DNAH14: variants seen among roughly 807,000 people sequenced by gnomAD.
The protein encoded by DNAH14 is dynein axonemal heavy chain 14.
A neutral mutation model predicts 520.9 loss-of-function variants in DNAH14; 478 were observed. The ratio of observed to expected loss-of-function variants is 0.92; its 90% CI spans 0.85 to 0.99. The LOEUF (loss-of-function observed/expected upper bound fraction) is 0.99. DNAH14 is among the 50% of genes least tolerant of loss of function. DNAH14 has a pLI of 0.00. For missense variants in DNAH14, 4,831 were observed against 5,234.5 expected, an observed-to-expected ratio of 0.92 and a Z score of 2.38; for synonymous variants, 1,581 against 1,757.2, an observed-to-expected ratio of 0.90 and a Z score of 2.51.
At chr1:225,323,251 G>A (rs1362195454) in intron 62 of DNAH14, among the ~76,000 whole-genome samples, 1 of 152,126 alleles carries the variant, frequency 6.6e-6, no homozygotes, top group African/African-American at 2.4e-5. Flanking sequence ...GAAGAGGATG[G>A]TATTCCTAGT....
At chr1:225,326,053 G>C (rs1467385800) in intron 64 of DNAH14, among the ~76,000 whole-genome samples, 3 of 152,184 alleles carry the variant, frequency 2.0e-5, no homozygotes, top group Admixed American at 6.5e-5. Context: ...GTAGCTTATA[G>C]TCTATAGAGT....
intron 77 of DNAH14, among the ~76,000 whole-genome samples, chr1:225,372,032 C>A (rs926539392): frequency 1.3e-5 from 2 of 152,088 alleles, no homozygotes; most frequent in African/African-American, 4.8e-5. Context: ...CACAGTACAC[C>A]TAAGAAACTT....
At chr1:225,091,482 A>C (rs1046665335) in intron 21 of DNAH14, among the ~76,000 whole-genome samples, 3 of 152,188 alleles carry the variant, frequency 2.0e-5, no homozygotes, top group African/African-American at 7.2e-5. Flanking sequence ...CAGCCAAATT[A>C]GATTTCATAA....
intron 54 of DNAH14, 70 bp from the exon 55 acceptor site, chr1:225,289,815 A>G: frequency 9.0e-7 from 1 of 1,109,464 alleles, no homozygotes; most frequent in Non-Finnish European, 1.2e-6. Flanking sequence ...ACAAATAATA[A>G]ACAGAAAACT....
rs1316271681 is a variant in DNAH14, at chr1:225,159,459, T to C, written c.5419T>C (p.Leu1807=). The C allele has an allele frequency of 2.0e-6, 3 of 1,535,924 alleles. No individual in the cohort carries two copies. Among genetic ancestry groups the C allele is most frequent in the South Asian group, 1.2e-5 (1 of 80,380 alleles). ...AGATATTTTTCCAGAAGTGACAGTT[T>C]TGAAAGTAAATCAACTTGCCTTGGA... ...IGDIFPEVTV[L]KVNQLALEKV... is the part of the protein sequence containing the mutation. Residue 1807 remains leucine, a synonymous_variant, in exon 35 of 86, where the codon TTG becomes CTG. Transcript: ENST00000682510.
intron 37 of DNAH14, 72 bp downstream of exon 37, chr1:225,185,497 C>T: frequency 3.6e-6 from 5 of 1,378,418 alleles, no homozygotes; most frequent in Non-Finnish European, 4.8e-6. Flanking sequence ...ATTTTATGTT[C>T]TCTTTATATT....
At chr1:224,941,068 G>T (rs1254078024) in intron 1 of DNAH14, among the ~76,000 whole-genome samples, 2 of 152,164 alleles carry the variant, frequency 1.3e-5, no homozygotes, top group Admixed American at 6.5e-5. Context: ...GGTATTTCTA[G>T]TTCTAGATCC....
chr1:225,131,308 G>C (rs929144153), intron 27 of DNAH14, among the ~76,000 whole-genome samples: 1 of 152,154 alleles, frequency 6.6e-6, no homozygotes, highest in South Asian at 2.1e-4. Context: ...GGTCTCTGTG[G>C]GCTAAGATCA....
At chr1:225,335,770 T>TATATGTATATACGCATATATACATAC (rs2094989232) in intron 66 of DNAH14, among the ~76,000 whole-genome samples, 1 of 123,246 alleles carries the variant, frequency 8.1e-6, no homozygotes, top group Non-Finnish European at 1.7e-5. Flanking sequence ...TACATGTGCA[T>TATATGTATATACGCATATATACATAC]ATGTGCATAT....
intron 41 of DNAH14, among the ~76,000 whole-genome samples, chr1:225,229,738 G>T (rs181324519): frequency 1.8e-4 from 27 of 151,966 alleles, no homozygotes; most frequent in African/African-American, 5.8e-4. Context: ...TGGGCACAAG[G>T]GGGGAACATC....
chr1:225,355,843 C>T (rs545024408), intron 73 of DNAH14, among the ~76,000 whole-genome samples: 1 of 152,194 alleles, frequency 6.6e-6, no homozygotes, highest in African/African-American at 2.4e-5. Context: ...CCATCCATTT[C>T]CAAAACTTTG....
intron 80 of DNAH14, 130 bp from the exon 81 acceptor site, chr1:225,381,253 A>T: frequency 2.2e-6 from 2 of 895,502 alleles, no homozygotes; most frequent in Non-Finnish European, 3.4e-6. Flanking sequence ...CTGACCTTCT[A>T]CAGAAAATGT....
intron 36 of DNAH14, among the ~76,000 whole-genome samples, chr1:225,173,645 C>T (rs2082965196): frequency 1.3e-5 from 2 of 152,168 alleles, no homozygotes; most frequent in African/African-American, 2.4e-5. Context: ...AATAGAAACA[C>T]TTTTACACTG....
At chr1:225,213,614 G>A (rs563832147) in intron 41 of DNAH14, among the ~76,000 whole-genome samples, 1 of 152,070 alleles carries the variant, frequency 6.6e-6, no homozygotes, top group Non-Finnish European at 1.5e-5. Flanking sequence ...CCTTGAAGAG[G>A]TCCTTCACAT....
chr1:225,343,451 T>C (rs988196651), intron 69 of DNAH14, among the ~76,000 whole-genome samples: 3 of 152,124 alleles, frequency 2.0e-5, no homozygotes, highest in Non-Finnish European at 4.4e-5. Flanking sequence ...TCCTCCTGAG[T>C]GTTGTTGCCT....
intron 41 of DNAH14, among the ~76,000 whole-genome samples, chr1:225,209,703 G>A (rs903178755): frequency 1.6e-4 from 24 of 152,116 alleles, no homozygotes; most frequent in African/African-American, 5.8e-4. Context: ...TTTATATTTA[G>A]CTAATATATG....
At chr1:225,238,639 G>A (rs980472039) in intron 42 of DNAH14, among the ~76,000 whole-genome samples, 9 of 152,142 alleles carry the variant, frequency 5.9e-5, no homozygotes, top group African/African-American at 1.2e-4. Flanking sequence ...CTGCTTCTTG[G>A]TAGAGCAGGT....
intron 8 of DNAH14, among the ~76,000 whole-genome samples, chr1:224,990,474 A>G (rs889991122): frequency 6.6e-6 from 1 of 151,858 alleles, no homozygotes; most frequent in African/African-American, 2.4e-5. Flanking sequence ...CATTTCCCCT[A>G]CCCTCAGCCT....
At chr1:225,135,293 T>G (rs759113160) in intron 27 of DNAH14, among the ~76,000 whole-genome samples, 1 of 152,186 alleles carries the variant, frequency 6.6e-6, no homozygotes, top group Non-Finnish European at 1.5e-5. Context: ...GGGCATTTAG[T>G]GCTGTAAATT....
Sources: allele counts gnomAD v4.1 joint callset (sites outside exome capture counted in the v4.1 genomes callset), GRCh38; gene constraint gnomAD v4.1.1; transcripts MANE v1.5; gene names NCBI Gene and HGNC (gene_info 2026-07-23, HGNC 2026-07-21).